XXYLT1: variants seen among roughly 807,000 people sequenced by gnomAD.
XXYLT1 encodes the protein xyloside xylosyltransferase 1, also known as UDP-xylose:alpha-xyloside alpha-1,3-xylosyltransferase.
Under a neutral mutation model 28.9 loss-of-function variants are expected in XXYLT1, and 20 were observed. The ratio of observed to expected loss-of-function variants is 0.69; its 90% confidence interval spans 0.49 to 1.00. The LOEUF is 1.00. Ranked by LOEUF, XXYLT1 falls within the 50% of genes least tolerant of loss-of-function variation. XXYLT1 has a pLI of 0.00. For missense variants in XXYLT1, 542 were observed against 560.1 expected (o/e 0.97, Z 0.33); for synonymous variants, 257 against 253.8 (o/e 1.01, Z -0.12).
rs1450418661 is a variant in XXYLT1, at chr3:195,216,339, C to CA, written c.652+10369dup. ...AGCAGAACTGAAGGAAATAGAGACACAAAAAACCCTTCAAAAAATTAATGA... is the reference window on the plus strand; with the variant it reads ...AGCAGAACTGAAGGAAATAGAGACACAAAAAAACCCTTCAAAAAATTAATGA... On this transcript the variant is annotated intron_variant, in intron 2 of 3. Transcript: ENST00000310380. Among the ~76,000 whole-genome samples, 7 of 144,670 alleles carry CA rather than the reference C, an allele frequency of 4.8e-5. No homozygotes were observed. In the South Asian group the frequency reaches 6.9e-4, roughly 14 times the overall value. 94.9% of individuals were successfully genotyped at this position (144,670 alleles called of 152,430 possible).
At chr3:195,186,956 G>A (rs1171191824) in intron 2 of XXYLT1, among the ~76,000 whole-genome samples, 6 of 150,076 alleles carry the variant, frequency 4.0e-5, no homozygotes, top group African/African-American at 7.4e-5. Flanking sequence ...GTGCAGTGGC[G>A]CGATCTCGGC....
rs73206661 is a variant in XXYLT1, at chr3:195,178,926, T to C, written c.653-22345A>G. 6.1e-3 allele frequency among the ~76,000 whole-genome samples: 922 copies of C among 152,272 alleles called. 7 individuals carry two copies. Among genetic ancestry groups the C allele is most frequent in the Non-Finnish European group, 8.3e-3 (563 of 68,020 alleles). ...TTTTGGAAAACATAAGAAAGAGTTT[T>C]CTAAAATATGTCTGAAGATGGAAGA... On this transcript the variant is annotated intron_variant, in intron 2 of 3. Transcript: ENST00000310380.
In XXYLT1 at chr3:195,124,940, A is replaced by G. The variant is rs928230672; in HGVS notation, c.785+31509T>C. On this transcript the variant is annotated intron_variant, in intron 3 of 3. Transcript: ENST00000310380. This position sits in a 1 kb window ranked among gnomAD's most constrained non-coding sequence, Gnocchi z 4.1. ...AAGGCTGTCCCGGGTTATTTGAAGGACAGAGGGAAAAGAGCAGTACGAATA... is the reference window on the plus strand; with the variant it reads ...AAGGCTGTCCCGGGTTATTTGAAGGGCAGAGGGAAAAGAGCAGTACGAATA... 6.6e-6 allele frequency among the ~76,000 whole-genome samples: 1 copy of G among 152,228 alleles called. No homozygotes were observed. The highest frequency in any genetic ancestry group is 1.5e-5 in the Non-Finnish European group (1 of 68,048).
At chr3:195,228,199 G>A in intron 1 of XXYLT1, among the ~76,000 whole-genome samples, 1 of 152,150 alleles carries the variant, frequency 6.6e-6, no homozygotes, top group East Asian at 1.9e-4. Context: ...ACTCCGAAGA[G>A]CCCACCTGAA....
chr3:195,150,843 CTCACACACTCTCACACACACACACACT>C lies in XXYLT1; in HGVS notation c.785+5579_785+5605del, dbSNP rs1560121844. ...ACACACTCACACATACGCACACTCT[CTCACACACTCTCACACACACACACACT>C]CTCTCCCTCTCCCTCTCCCTCTCTC... On this transcript the variant is annotated intron_variant, in intron 3 of 3. Coordinates refer to ENST00000310380, the MANE Select transcript of XXYLT1 (RefSeq NM_152531.5). The surrounding 1 kb of genome is among the most constrained non-coding windows in gnomAD (Gnocchi z 4.7). 1.6e-3 allele frequency among the ~76,000 whole-genome samples: 239 copies of C among 150,030 alleles called. No homozygotes were observed. Among genetic ancestry groups the C allele is most frequent in the East Asian group, 3.9e-3 (19 of 4,906 alleles).
intron 1 of XXYLT1, chr3:195,247,876 C>T: frequency 1.4e-6 from 1 of 695,122 alleles, no homozygotes; most frequent in Non-Finnish European, 2.6e-6. Context: ...GGAAGCGCTA[C>T]ACACTTTCAA....
intron 3 of XXYLT1, among the ~76,000 whole-genome samples, chr3:195,143,791 T>TAA (rs1167881307): frequency 3.3e-5 from 4 of 120,520 alleles, no homozygotes; most frequent in African/African-American, 1.3e-4. Flanking sequence ...TCATTATATA[T>TAA]ATATATATAG....
chr3:195,225,427 A>T (rs1022542201), intron 2 of XXYLT1, among the ~76,000 whole-genome samples: 6 of 152,082 alleles, frequency 3.9e-5, no homozygotes, highest in African/African-American at 1.2e-4. Flanking sequence ...TCAACTCCTG[A>T]GTCTCTGGTT....
At chr3:195,097,376 G>GT (rs1170988260) in intron 3 of XXYLT1, among the ~76,000 whole-genome samples, 1 of 152,192 alleles carries the variant, frequency 6.6e-6, no homozygotes, top group African/African-American at 2.4e-5. Context: ...TGGCAAATGC[G>GT]TATCAACACG....
intron 1 of XXYLT1, among the ~76,000 whole-genome samples, chr3:195,254,075 C>T (rs184237500): frequency 0.011 from 1,696 of 152,302 alleles, 12 homozygotes; most frequent in Non-Finnish European, 0.017. Context: ...TCTCACATTT[C>T]CAGGCTGGAA....
chr3:195,164,544 GGCATGGTCATTA>G (rs1422313922), intron 2 of XXYLT1, among the ~76,000 whole-genome samples: 2 of 152,232 alleles, frequency 1.3e-5, no homozygotes, highest in African/African-American at 4.8e-5. Context: ...TTGGAATCCA[GGCATGGTCATTA>G]GCAAGGAGGA....
At chr3:195,136,078 T>C (rs1223398658) in intron 3 of XXYLT1, among the ~76,000 whole-genome samples, 2 of 152,106 alleles carry the variant, frequency 1.3e-5, no homozygotes, top group East Asian at 3.8e-4. Flanking sequence ...ACGGCTGCCT[T>C]TAATTACACA....
chr3:195,124,828 C>T lies in XXYLT1; in HGVS notation c.785+31621G>A, dbSNP rs998794843. 3.3e-5 allele frequency among the ~76,000 whole-genome samples: 5 copies of T among 152,080 alleles called. No individual in the cohort carries two copies. Among genetic ancestry groups the T allele is most frequent in the South Asian group, 2.1e-4 (1 of 4,822 alleles). The stretch of plus-strand genomic sequence containing the variant: ...GCAGCGTACGGACAGGGGCTGGCTC[C>T]GGGAAGGCTGGAGTCTGAGCCGGCA... On this transcript the variant is annotated intron_variant, in intron 3 of 3. Transcript: ENST00000310380. The surrounding 1 kb of genome is among the most constrained non-coding windows in gnomAD (Gnocchi z 4.1).
At position 195,070,071 on chromosome 3, in the gene XXYLT1, G is replaced by A. The variant is rs780456426; in HGVS notation, c.826C>T (p.Arg276Trp). The A allele has an allele frequency of 3.7e-5, 59 of 1,587,954 alleles. No homozygotes were observed. The highest frequency in any genetic ancestry group is 9.0e-5 in the South Asian group (8 of 89,362). Residue 276 changes from arginine (R) to tryptophan (W), a missense_variant, in exon 4 of 4, where the codon CGG becomes TGG. Transcript: ENST00000310380. ...CCCTCGGGGGGCGGGCCCCCAACCC[G>A]GGTCTGGGGGTTCTCATGGCGGAAC... ...WQFRHENPQT[R>W]VGGPPPEGLP...
intron 2 of XXYLT1, among the ~76,000 whole-genome samples, chr3:195,165,175 TC>T (rs1173050403): frequency 4.6e-5 from 7 of 152,144 alleles, no homozygotes; most frequent in Admixed American, 2.0e-4. Context: ...CCGCCACTCT[TC>T]CCTGGAGTTA....
intron 1 of XXYLT1, among the ~76,000 whole-genome samples, chr3:195,236,717 G>T (rs886961032): frequency 6.6e-6 from 1 of 152,050 alleles, no homozygotes; most frequent in Non-Finnish European, 1.5e-5. Context: ...TCTGAAGCCA[G>T]CAGGTCTCAG....
chr3:195,250,675 G>T (rs998990191), intron 1 of XXYLT1, among the ~76,000 whole-genome samples: 2 of 151,938 alleles, frequency 1.3e-5, no homozygotes, highest in Non-Finnish European at 1.5e-5. Flanking sequence ...TTATTCATCT[G>T]CTTTTCATGG....
intron 3 of XXYLT1, among the ~76,000 whole-genome samples, chr3:195,118,881 A>T (rs1201014791): frequency 3.3e-5 from 5 of 152,214 alleles, no homozygotes; most frequent in African/African-American, 1.2e-4. Context: ...AGGAATCTTC[A>T]GTGGGGTTCT....
At chr3:195,242,914 C>T (rs1724839718) in intron 1 of XXYLT1, among the ~76,000 whole-genome samples, 1 of 152,176 alleles carries the variant, frequency 6.6e-6, no homozygotes, top group African/African-American at 2.4e-5. Context: ...GCTGGCCCAG[C>T]CCTTCAAGAC....
Sources: gnomAD v4.1 joint callset for allele counts (sites outside exome capture counted in the v4.1 genomes callset) on GRCh38, gnomAD v4.1.1 for gene constraint, Gnocchi (gnomAD v3.1) non-coding constraint, MANE v1.5 for transcripts, NCBI Gene and HGNC (gene_info 2026-07-23, HGNC 2026-07-21) for gene names.